The following LRP1B variants were observed in gnomAD, a reference collection of about 807,000 sequenced individuals.
LRP1B encodes low-density lipoprotein receptor-related protein 1B.
LRP1B carries 217 observed loss-of-function variants against 556.6 expected under a neutral mutation model. The ratio of observed to expected loss-of-function variants is 0.39; its 90% confidence interval spans 0.35 to 0.44. The LOEUF is 0.44. Ranked by LOEUF, LRP1B falls within the 20% of genes least tolerant of loss-of-function variation. The pLI, the probability that LRP1B is intolerant of heterozygous loss-of-function variation, is 1.00. For synonymous variants in LRP1B, 2,047 were observed against 1,865.8 expected (o/e 1.10, Z -2.50); for missense variants, 5,053 against 5,620.8 (o/e 0.90, Z 3.23).
chr2:141,964,826 A>C (rs1348018714), intron 1 of LRP1B, among the ~76,000 whole-genome samples: 1 of 152,092 alleles, frequency 6.6e-6, no homozygotes, highest in African/African-American at 2.4e-5. Context: ...GAATGGGAGA[A>C]AATTTTTGCA....
At chr2:141,458,323 A>T (rs1270877149) in intron 3 of LRP1B, among the ~76,000 whole-genome samples, 1 of 152,144 alleles carries the variant, frequency 6.6e-6, no homozygotes, top group East Asian at 1.9e-4. Flanking sequence ...AGTACTTAGG[A>T]CTGTTTGGGT....
chr2:140,785,613 G>A (rs1429255218), intron 32 of LRP1B, among the ~76,000 whole-genome samples: 1 of 152,052 alleles, frequency 6.6e-6, no homozygotes, highest in East Asian at 1.9e-4. Flanking sequence ...AGGGTGGGAA[G>A]TATTCTCACT....
intron 1 of LRP1B, among the ~76,000 whole-genome samples, chr2:141,981,747 CCTT>C (rs1209713401): frequency 6.6e-6 from 1 of 152,058 alleles, no homozygotes; most frequent in African/African-American, 2.4e-5. Context: ...TTCTAGGTTT[CCTT>C]TGCATTTAAG....
At chr2:141,206,309 C>T (rs142663796) in intron 6 of LRP1B, among the ~76,000 whole-genome samples, 1,553 of 152,076 alleles carry the variant, frequency 0.01, 26 homozygotes, top group African/African-American at 0.034. Context: ...TTGCCGGGCG[C>T]GGTGGCTCAC....
intron 35 of LRP1B, among the ~76,000 whole-genome samples, chr2:140,760,772 G>A (rs1688893288): frequency 6.6e-6 from 1 of 152,130 alleles, no homozygotes; most frequent in African/African-American, 2.4e-5. Context: ...TGTAGTCCCA[G>A]CTACTTGGGA....
intron 7 of LRP1B, among the ~76,000 whole-genome samples, chr2:141,065,874 T>A (rs112406976): frequency 9.2e-4 from 140 of 151,964 alleles, no homozygotes; most frequent in African/African-American, 3.3e-3. Flanking sequence ...GTTAGCACTC[T>A]CCCTGGAAAA....
Position 141,188,601 on chromosome 2 carries a change from A to G in LRP1B, c.851-18T>C, listed in dbSNP as rs1367055508. The G allele has an allele frequency of 6.2e-7, 1 of 1,608,170 alleles. No homozygotes were observed. The highest frequency in any genetic ancestry group is 1.7e-5 in the Admixed American group (1 of 59,342). ...TTGCACATCTGAAAAACACATACACAAAATCATTGAATCACAGGTGCAATC... is the reference window on the plus strand; with the variant it reads ...TTGCACATCTGAAAAACACATACACGAAATCATTGAATCACAGGTGCAATC... On this transcript the variant is annotated intron_variant, in intron 6 of 90. Transcript: ENST00000389484.
At chr2:140,847,107 T>C (rs952851027) in intron 29 of LRP1B, among the ~76,000 whole-genome samples, 1 of 152,188 alleles carries the variant, frequency 6.6e-6, no homozygotes, top group Non-Finnish European at 1.5e-5. Flanking sequence ...TTCCTCCATC[T>C]GTGTTTTCCC....
At chr2:141,605,505 C>T (rs1687886674) in intron 2 of LRP1B, among the ~76,000 whole-genome samples, 3 of 151,894 alleles carry the variant, frequency 2.0e-5, no homozygotes, top group African/African-American at 7.3e-5. Context: ...AGGGCTGATA[C>T]CTCTATAGCT....
At chr2:141,484,306 T>C (rs1683034391) in intron 2 of LRP1B, among the ~76,000 whole-genome samples, 1 of 149,666 alleles carries the variant, frequency 6.7e-6, no homozygotes, top group South Asian at 2.2e-4. Flanking sequence ...GGCTCTGTTC[T>C]GTTCCATTGG....
At chr2:140,950,510 G>GCAAGAC in intron 19 of LRP1B, 108 bp from the exon 20 acceptor site, 2 of 864,510 alleles carry the variant, frequency 2.3e-6, no homozygotes, top group Non-Finnish European at 3.5e-6. Flanking sequence ...TTGAGACAGA[G>GCAAGAC]TCTTGCTCTG....
intron 3 of LRP1B, among the ~76,000 whole-genome samples, chr2:141,418,432 A>ACT (rs1553512206): frequency 7.1e-6 from 1 of 140,892 alleles, no homozygotes; most frequent in African/African-American, 2.6e-5. Flanking sequence ...AGAGCACAAT[A>ACT]TTTTTTTTTT....
At chr2:141,725,655 A>C (rs1693002216) in intron 2 of LRP1B, among the ~76,000 whole-genome samples, 1 of 151,858 alleles carries the variant, frequency 6.6e-6, no homozygotes, top group Admixed American at 6.6e-5. Flanking sequence ...GAATACAAGT[A>C]GTCTTTTTGG....
intron 1 of LRP1B, among the ~76,000 whole-genome samples, chr2:141,859,165 C>A (rs1194863637): frequency 6.6e-6 from 1 of 152,146 alleles, no homozygotes; most frequent in East Asian, 1.9e-4. Context: ...TTCCTTTTCC[C>A]TCATACAATT....
chr2:141,005,465 AG>A lies in LRP1B; in HGVS notation c.2381-9del. 6.2e-7 allele frequency: 1 copy of A among 1,608,830 alleles called. No individual in the cohort carries two copies. Among genetic ancestry groups the A allele is most frequent in the Non-Finnish European group, 8.5e-7 (1 of 1,176,784 alleles). On this transcript the variant is annotated splice_polypyrimidine_tract_variant and intron_variant, in intron 14 of 90. Transcript: ENST00000389484. ...CTCGGCACATATTGTCACCTGCAAG[AG>A]GAAGAAAGCAAATGTGTCAGAGAAC...
rs1257727189 is a variant in LRP1B, at chr2:140,598,640, G to A, written c.7185C>T (p.Ser2395=). The A allele has an allele frequency of 6.2e-7, 1 of 1,611,916 alleles. No individual in the cohort carries two copies. The highest frequency in any genetic ancestry group is 1.1e-5 in the South Asian group (1 of 91,034). The change falls in exon 43 of 91, where the codon TCC becomes TCT. Residue 2395 remains serine (S), a synonymous_variant. Coordinates refer to ENST00000389484, the MANE Select transcript of LRP1B (RefSeq NM_018557.3). ...TTCCTGATTAACTTACATGTCTCTG[G>A]GATCCATCGTATTCACACCTTTCAA... The part of the protein sequence containing the change: ...GKIERCEYDG[S]QRHVIVKSGP...
At chr2:141,231,327 A>G (rs1683456499) in intron 5 of LRP1B, among the ~76,000 whole-genome samples, 1 of 152,244 alleles carries the variant, frequency 6.6e-6, no homozygotes, top group African/African-American at 2.4e-5. Context: ...AGTGAATATG[A>G]TTTGGGGCCT....
At chr2:141,412,403 A>G (rs895291626) in intron 3 of LRP1B, among the ~76,000 whole-genome samples, 4 of 152,204 alleles carry the variant, frequency 2.6e-5, no homozygotes, top group Admixed American at 2.6e-4. Context: ...TTTATTTTAT[A>G]TAAGAATTAT....
At position 140,850,992 on chromosome 2, in the gene LRP1B, G is replaced by A. The variant is rs147365358; in HGVS notation, c.4711+660C>T. On this transcript the variant is annotated intron_variant, in intron 28 of 90. Transcript: ENST00000389484. ...TGGTGTTGAGATATGTTATTATGGTGTAAATTAAAGCTACATGTACCTAAA... is the reference window on the plus strand; with the variant it reads ...TGGTGTTGAGATATGTTATTATGGTATAAATTAAAGCTACATGTACCTAAA... 4.8e-3 allele frequency among the ~76,000 whole-genome samples: 727 copies of A among 152,126 alleles called. 3 individuals carry two copies. The highest frequency in any genetic ancestry group is 0.017 in the African/African-American group (708 of 41,510).
Sources: allele counts gnomAD v4.1 joint callset (sites outside exome capture counted in the v4.1 genomes callset), GRCh38; gene constraint gnomAD v4.1.1; transcripts MANE v1.5; gene names NCBI Gene and HGNC (gene_info 2026-07-23, HGNC 2026-07-21).